Variants in GNB1 observed in about 807,000 individuals in gnomAD.
GNB1 encodes the protein G protein subunit beta 1.
Under a neutral mutation model 42.9 loss-of-function variants are expected in GNB1, and 2 were observed. The ratio of observed to expected loss-of-function variants is 0.05; its 90% confidence interval spans 0.02 to 0.15. The LOEUF is 0.15. Ranked by LOEUF, GNB1 falls within the 10% of genes least tolerant of loss-of-function variation. The probability of loss-of-function intolerance (pLI) is 1.00; values close to 1 mark genes in which losing one functional copy is unlikely to be tolerated. For synonymous variants in GNB1, 183 were observed against 174.7 expected, an observed-to-expected ratio of 1.05 and a Z score of -0.38; for missense variants, 193 against 462.2, an observed-to-expected ratio of 0.42 and a Z score of 5.34.
chr1:1,843,831 G>A (rs532606326), intron 1 of GNB1, among the ~76,000 whole-genome samples: 5 of 152,212 alleles, frequency 3.3e-5, no homozygotes, highest in South Asian at 2.1e-4. Flanking sequence ...AGGCCGAGGC[G>A]GGTGGATCAC....
At chr1:1,870,390 G>C (rs1649181415) in intron 1 of GNB1, among the ~76,000 whole-genome samples, 1 of 152,068 alleles carries the variant, frequency 6.6e-6, no homozygotes, top group African/African-American at 2.4e-5. Context: ...TGCCCAGGCT[G>C]GTCTAAAATT....
intron 1 of GNB1, among the ~76,000 whole-genome samples, chr1:1,857,569 C>T (rs1648375359): frequency 6.6e-6 from 1 of 151,968 alleles, no homozygotes. Flanking sequence ...CTGCCCTTGC[C>T]AAAGGGACAA....
intron 1 of GNB1, among the ~76,000 whole-genome samples, chr1:1,858,858 G>A (rs1405019119): frequency 1.3e-5 from 2 of 152,068 alleles, no homozygotes; most frequent in Non-Finnish European, 2.9e-5. Flanking sequence ...TGGCTGCTGT[G>A]ATAAAAAAGC....
chr1:1,888,485 A>G (rs1650281210), intron 1 of GNB1, among the ~76,000 whole-genome samples: 1 of 152,130 alleles, frequency 6.6e-6, no homozygotes, highest in African/African-American at 2.4e-5. Context: ...GGTTGACAGC[A>G]TCAGCCTCTG....
At position 1,807,463 on chromosome 1, in the gene GNB1, GAAAAAAAA is replaced by G. The variant is rs533616486; in HGVS notation, c.204-933_204-926del. On this transcript the variant is annotated intron_variant, in intron 5 of 11. Coordinates refer to ENST00000378609, the MANE Select transcript of GNB1 (RefSeq NM_002074.5). ...TGGGCAACAGAGCGAGATCCTGACTGAAAAAAAAAAAAAAAAAAAAAAAAAAAAAACAA... is the reference window on the plus strand; with the variant it reads ...TGGGCAACAGAGCGAGATCCTGACTGAAAAAAAAAAAAAAAAAAAAAACAA... Among the ~76,000 whole-genome samples the G allele has an allele frequency of 7.0e-3, 180 of 25,548 alleles. 1 individual carries two copies. Among genetic ancestry groups the G allele is most frequent in the African/African-American group, 0.018 (79 of 4,410 alleles). The allele number at this position is 25,548 out of a possible 152,430, so 16.8% of individuals were successfully genotyped here. A position where few individuals can be genotyped will look rare whatever the true frequency, so the allele number is the denominator to read the frequency against.
At chr1:1,842,122 C>G (rs2101245951) in intron 1 of GNB1, among the ~76,000 whole-genome samples, 1 of 151,494 alleles carries the variant, frequency 6.6e-6, no homozygotes, top group Non-Finnish European at 1.5e-5. Context: ...AACCTGGCCA[C>G]CTCGTCTCTA....
chr1:1,873,624 G>A (rs1020317904), intron 1 of GNB1, among the ~76,000 whole-genome samples: 7 of 152,160 alleles, frequency 4.6e-5, no homozygotes, highest in Admixed American at 1.3e-4. Context: ...TAAACTTGGC[G>A]CCGAGACTGG....
At chr1:1,840,541 A>G (rs1165792688) in intron 1 of GNB1, among the ~76,000 whole-genome samples, 5 of 152,052 alleles carry the variant, frequency 3.3e-5, no homozygotes, top group African/African-American at 4.8e-5. Context: ...ACACACACGC[A>G]CACACACACA....
chr1:1,843,301 C>T (rs977762991), intron 1 of GNB1, among the ~76,000 whole-genome samples: 2 of 152,152 alleles, frequency 1.3e-5, no homozygotes, highest in African/African-American at 2.4e-5. Context: ...CTCACTGCAG[C>T]TTCGACTTCC....
intron 6 of GNB1, among the ~76,000 whole-genome samples, 166 bp downstream of exon 6, chr1:1,806,309 C>T (rs1349597662): frequency 1.3e-5 from 2 of 152,200 alleles, no homozygotes; most frequent in Non-Finnish European, 2.9e-5. Flanking sequence ...ACAGGTGGCA[C>T]GTGACTCAGC....
In GNB1 at chr1:1,851,602, G is replaced by A. The variant is rs966267842; in HGVS notation, c.-95-12364C>T. On this transcript the variant is annotated intron_variant, in intron 1 of 11. Transcript: ENST00000378609. ...TTAATTTAAAAAAATATTGGCCAAAGAGGAAACCTCACTACTCACACCTAG... is the reference window on the plus strand; with the variant it reads ...TTAATTTAAAAAAATATTGGCCAAAAAGGAAACCTCACTACTCACACCTAG... Among the ~76,000 whole-genome samples the A allele has an allele frequency of 2.0e-5, 3 of 151,964 alleles. 1 individual carries two copies. The South Asian group carries it at 6.2e-4, about 32-fold the overall frequency.
chr1:1,787,176 A>G lies in GNB1; in HGVS notation c.*10-123T>C. 1.7e-6 allele frequency: 1 copy of G among 587,560 alleles called. No individual in the cohort carries two copies. The highest frequency in any genetic ancestry group is 3.1e-6 in the Non-Finnish European group (1 of 326,582). The allele number at this position is 587,560 out of a possible 1,614,324, so 36.4% of individuals were successfully genotyped here. ...TCTGCAGCTGAGGGCACGTGACTTC[A>G]GCTTTCTGTAAACGTTTCCCACAAC... On this transcript the variant is annotated intron_variant, in intron 11 of 11. Coordinates refer to ENST00000378609, the MANE Select transcript of GNB1 (RefSeq NM_002074.5). The surrounding 1 kb of genome is among the most constrained non-coding windows in gnomAD (Gnocchi z 4.4).
At chr1:1,883,457 T>A (rs191610814) in intron 1 of GNB1, among the ~76,000 whole-genome samples, 1 of 152,230 alleles carries the variant, frequency 6.6e-6, no homozygotes, top group East Asian at 1.9e-4. Flanking sequence ...AAGAAAAATC[T>A]CAGTAAACTG....
At chr1:1,811,326 G>A (rs1472276545) in intron 5 of GNB1, among the ~76,000 whole-genome samples, 2 of 151,970 alleles carry the variant, frequency 1.3e-5, no homozygotes, top group Non-Finnish European at 2.9e-5. Context: ...GAAGTCAAGC[G>A]ATCCACCTGA....
chr1:1,873,775 G>A (rs1364454266), intron 1 of GNB1, among the ~76,000 whole-genome samples: 2 of 152,096 alleles, frequency 1.3e-5, no homozygotes, highest in African/African-American at 4.8e-5. Context: ...CCAAGATGGT[G>A]CCACTGCACT....
chr1:1,785,815 TA>T lies in GNB1; in HGVS notation c.*1247del. The T allele has an allele frequency of 1.3e-5, 5 of 378,804 alleles. No individual in the cohort carries two copies. The highest frequency in any genetic ancestry group is 4.5e-5 in the Admixed American group (1 of 22,058). The allele number at this position is 378,804 out of a possible 1,614,324, so 23.5% of individuals were successfully genotyped here. ...GTTTGCAACAGAACTTTTTTTTTTT[TA>T]AAGAAATAAAGAAAACAGTGACTTA... On this transcript the variant is annotated 3_prime_UTR_variant, in exon 12 of 12. Transcript: ENST00000378609.
At chr1:1,857,318 C>CCT (rs1384600059) in intron 1 of GNB1, among the ~76,000 whole-genome samples, 1 of 147,776 alleles carries the variant, frequency 6.8e-6, no homozygotes, top group Non-Finnish European at 1.5e-5. Flanking sequence ...CTGGCTGGCT[C>CCT]CTCTCTCTCT....
At chr1:1,890,395 C>G (rs992126771) in intron 1 of GNB1, 4 of 150,446 alleles carry the variant, frequency 2.7e-5, no homozygotes, top group African/African-American at 9.7e-5. Context: ...GGGCTCCGGC[C>G]GCCGACACCG....
intron 1 of GNB1, among the ~76,000 whole-genome samples, chr1:1,878,754 T>C (rs1239303802): frequency 6.6e-6 from 1 of 152,206 alleles, no homozygotes; most frequent in African/African-American, 2.4e-5. Flanking sequence ...TTCCCCTTTA[T>C]GGGCGCTGCC....
Sources: gnomAD v4.1 joint callset for allele counts (sites outside exome capture counted in the v4.1 genomes callset) on GRCh38, gnomAD v4.1.1 for gene constraint, Gnocchi (gnomAD v3.1) non-coding constraint, MANE v1.5 for transcripts, NCBI Gene and HGNC (gene_info 2026-07-23, HGNC 2026-07-21) for gene names.